ATP1B3: variants seen among roughly 807,000 people sequenced by gnomAD.
ATP1B3 encodes the protein ATPase Na+/K+ transporting subunit beta 3.
ATP1B3 carries 10 observed loss-of-function variants against 30.2 expected under a neutral mutation model. The ratio of observed to expected loss-of-function variants is 0.33; its 90% confidence interval spans 0.20 to 0.56. The LOEUF (loss-of-function observed/expected upper bound fraction) is 0.56, where lower values mean the gene tolerates loss of function less well. ATP1B3 is among the 20% of genes least tolerant of loss of function. The probability of loss-of-function intolerance (pLI) is 0.90; values close to 1 mark genes in which losing one functional copy is unlikely to be tolerated. For synonymous variants in ATP1B3, 113 were observed against 117.0 expected (o/e 0.97, Z 0.22); for missense variants, 238 against 336.7 (o/e 0.71, Z 2.29).
chr3:141,897,661 T>G (rs1934092893), intron 1 of ATP1B3, among the ~76,000 whole-genome samples: 1 of 152,234 alleles, frequency 6.6e-6, no homozygotes, highest in African/African-American at 2.4e-5. Context: ...CATACATATA[T>G]GTGCATACAT....
chr3:141,922,748 G>A (rs1017911363), intron 6 of ATP1B3, among the ~76,000 whole-genome samples: 3 of 149,334 alleles, frequency 2.0e-5, no homozygotes, highest in Non-Finnish European at 3.0e-5. Context: ...GGCAGATCAC[G>A]AGGTCAGGAG....
rs369039733 is a variant in ATP1B3 at position 141,903,705 on chromosome 3, C to A, written c.195C>A (p.Leu65=). The A allele has an allele frequency of 6.2e-7, 1 of 1,613,986 alleles. No individual in the cohort carries two copies. Among genetic ancestry groups the A allele is most frequent in the Non-Finnish European group, 8.5e-7 (1 of 1,179,990 alleles). ...CGATGTGGGTTATGCTTCAGACTCTCAACGATGAGGTTCCAAAATACCGTG... is the reference window on the plus strand; with the variant it reads ...CGATGTGGGTTATGCTTCAGACTCTAAACGATGAGGTTCCAAAATACCGTG... ...SFTMWVMLQT[L]NDEVPKYRDQ... The change falls in exon 2 of 7, where the codon CTC becomes CTA. Residue 65 remains leucine (L), a synonymous_variant. Coordinates refer to ENST00000286371, the MANE Select transcript of ATP1B3 (RefSeq NM_001679.4).
At position 141,914,585 on chromosome 3, in the gene ATP1B3, G is replaced by A. The variant is rs199650471; in HGVS notation, c.531+749G>A. Among the ~76,000 whole-genome samples, 7 of 152,254 alleles carry A rather than the reference G, an allele frequency of 4.6e-5. No individual in the cohort carries two copies. In the East Asian group the frequency reaches 9.6e-4, roughly 21 times the overall value. On this transcript the variant is annotated intron_variant, in intron 4 of 6. Transcript: ENST00000286371. ...GTACTTCAGAGTTGTGTTCTGATGC[G>A]CTTACTGTTTTGAGGCCTGCAAGGT...
intron 2 of ATP1B3, among the ~76,000 whole-genome samples, chr3:141,906,243 G>A (rs186840730): frequency 2.0e-5 from 3 of 151,360 alleles, no homozygotes; most frequent in African/African-American, 4.9e-5. Context: ...GCAATGGCAC[G>A]ATCTCGGCTC....
intron 5 of ATP1B3, among the ~76,000 whole-genome samples, chr3:141,917,148 T>C (rs1252867813): frequency 6.6e-6 from 1 of 151,746 alleles, no homozygotes; most frequent in Non-Finnish European, 1.5e-5. Flanking sequence ...TCACCGCGCC[T>C]GGCCCAAAAT....
At chr3:141,904,478 T>C (rs1934226569) in intron 2 of ATP1B3, among the ~76,000 whole-genome samples, 1 of 152,056 alleles carries the variant, frequency 6.6e-6, no homozygotes, top group Non-Finnish European at 1.5e-5. Flanking sequence ...AGCTTTGGAC[T>C]TATAAAATAC....
intron 6 of ATP1B3, among the ~76,000 whole-genome samples, chr3:141,923,270 T>G (rs1934598386): frequency 8.3e-6 from 1 of 120,628 alleles, no homozygotes. Flanking sequence ...AAAGCAAGAC[T>G]CTATCTCAAA....
chr3:141,916,548 C>T (rs1934467636), intron 5 of ATP1B3: 5 of 1,287,892 alleles, frequency 3.9e-6, no homozygotes, highest in Non-Finnish European at 4.1e-6. Flanking sequence ...CTGCAAATGC[C>T]ACTAAGACAA....
At chr3:141,880,618 A>G (rs1933703284) in intron 1 of ATP1B3, among the ~76,000 whole-genome samples, 1 of 152,146 alleles carries the variant, frequency 6.6e-6, no homozygotes, top group African/African-American at 2.4e-5. Flanking sequence ...TTAATGATGA[A>G]ATAGAATAGT....
chr3:141,877,011 G>T (rs1468455287), intron 1 of ATP1B3, 101 bp downstream of exon 1: 2 of 923,760 alleles, frequency 2.2e-6, no homozygotes, highest in Non-Finnish European at 1.5e-6. Flanking sequence ...TCCCAGCGCC[G>T]GGGCTCCCGA....
intron 1 of ATP1B3, among the ~76,000 whole-genome samples, chr3:141,881,507 A>G (rs955132626): frequency 3.9e-5 from 6 of 152,184 alleles, no homozygotes; most frequent in African/African-American, 1.4e-4. Context: ...TTTGGAGATC[A>G]GGCTTCATCC....
chr3:141,913,513 C>A, intron 3 of ATP1B3, 139 bp from the exon 4 acceptor site: 1 of 689,588 alleles, frequency 1.5e-6, no homozygotes, highest in Non-Finnish European at 2.3e-6. Flanking sequence ...GCAAACTTAA[C>A]ATTCTTTCCC....
chr3:141,909,500 C>T lies in ATP1B3; in HGVS notation c.346+2226C>T, dbSNP rs539265990. On this transcript the variant is annotated intron_variant, in intron 3 of 6. Transcript: ENST00000286371. ...TTACATGCAGAGTGGTCTGGGAAAG[C>T]CTTATGGAAAGGGAACCTTGAGGGA... is the stretch of plus-strand genomic sequence containing the variant. Among the ~76,000 whole-genome samples the T allele has an allele frequency of 1.5e-3, 233 of 152,230 alleles. 1 individual carries two copies. Among genetic ancestry groups the T allele is most frequent in the Non-Finnish European group, 2.5e-3 (171 of 68,024 alleles).
intron 1 of ATP1B3, among the ~76,000 whole-genome samples, chr3:141,883,993 G>T (rs1324998978): frequency 6.6e-6 from 1 of 152,080 alleles, no homozygotes; most frequent in Non-Finnish European, 1.5e-5. Flanking sequence ...TTTTATTTAG[G>T]TTTGCTTCCT....
intron 1 of ATP1B3, among the ~76,000 whole-genome samples, chr3:141,883,999 T>G (rs2107927630): frequency 6.6e-6 from 1 of 152,340 alleles, no homozygotes; most frequent in Non-Finnish European, 1.5e-5. Context: ...TTAGGTTTGC[T>G]TCCTGCTTTA....
chr3:141,896,530 T>C (rs1017040808), intron 1 of ATP1B3, among the ~76,000 whole-genome samples: 1 of 152,050 alleles, frequency 6.6e-6, no homozygotes, highest in African/African-American at 2.4e-5. Flanking sequence ...GTCTCTAAAA[T>C]AAAATAAGTA....
intron 1 of ATP1B3, among the ~76,000 whole-genome samples, chr3:141,879,811 C>T (rs1361365751): frequency 2.8e-4 from 16 of 57,936 alleles, no homozygotes; most frequent in South Asian, 5.8e-4. Context: ...TTGGTAACAG[C>T]TTTTTTTTTT....
chr3:141,918,946 TTTTG>T (rs1375184070), intron 5 of ATP1B3: 3 of 152,218 alleles, frequency 2.0e-5, no homozygotes, highest in African/African-American at 7.2e-5. Context: ...GTTGTGGATT[TTTTG>T]TTTGTTTTTA....
chr3:141,883,513 C>CT (rs1933772292), intron 1 of ATP1B3, among the ~76,000 whole-genome samples: 2 of 152,062 alleles, frequency 1.3e-5, no homozygotes, highest in South Asian at 4.2e-4. Flanking sequence ...GTTAGCCTAT[C>CT]TAAAAAAAAG....
Sources: allele counts gnomAD v4.1 joint callset (sites outside exome capture counted in the v4.1 genomes callset), GRCh38; gene constraint gnomAD v4.1.1; transcripts MANE v1.5; gene names NCBI Gene and HGNC (gene_info 2026-07-23, HGNC 2026-07-21).